Variants in LAMA4 observed in about 807,000 individuals in gnomAD.
LAMA4 encodes laminin subunit alpha 4, also known as laminin subunit alpha-4.
Under a neutral mutation model 207.1 loss-of-function variants are expected in LAMA4, and 127 were observed. The observed-to-expected ratio is 0.61, with a 90% CI of 0.53 to 0.71. The LOEUF (loss-of-function observed/expected upper bound fraction) is 0.71, where lower values mean the gene tolerates loss of function less well. Among genes scored for constraint, LAMA4 ranks in the 30% least tolerant of loss-of-function variants. The pLI is 0.00. For missense variants in LAMA4, 2,093 were observed against 2,246.5 expected, an observed-to-expected ratio of 0.93 and a Z score of 1.38; for synonymous variants, 761 against 816.0, an observed-to-expected ratio of 0.93 and a Z score of 1.15.
intron 12 of LAMA4, 132 bp from the exon 13 acceptor site, chr6:112,165,408 C>T: frequency 2.7e-6 from 2 of 730,480 alleles, no homozygotes; most frequent in Non-Finnish European, 5.1e-6. Flanking sequence ...TCCATCCTTG[C>T]TGTGTGCCTT....
At chr6:112,180,842 G>C (rs1782314410) in intron 9 of LAMA4, among the ~76,000 whole-genome samples, 1 of 152,122 alleles carries the variant, frequency 6.6e-6, no homozygotes, top group Non-Finnish European at 1.5e-5. Flanking sequence ...TGCTACTTCA[G>C]AATTTGTACA....
chr6:112,254,379 C>G (rs1787719328), intron 1 of LAMA4, 80 bp downstream of exon 1: 1 of 583,646 alleles, frequency 1.7e-6, no homozygotes, highest in African/African-American at 1.9e-5. Context: ...CCCTCTCTCT[C>G]CCTCTCCCTC....
At position 112,187,501 on chromosome 6, in the gene LAMA4, G is replaced by T; in HGVS notation, c.915C>A (p.Ala305=). The T allele has an allele frequency of 6.2e-7, 1 of 1,614,060 alleles. No individual in the cohort carries two copies. The highest frequency in any genetic ancestry group is 2.2e-5 in the East Asian group (1 of 44,850). ...KSGVLSVSSG[A]AAHRHVNEIN... ...TTTCATTCACGTGCCTATGAGCGGC[G>T]GCCCCAGAGGATACGCTCAGCACCC... Residue 305 remains alanine (A), a synonymous_variant, in exon 8 of 39, where the codon GCC becomes GCA. Coordinates refer to ENST00000230538, the MANE Select transcript of LAMA4 (RefSeq NM_001105206.3).
rs782115194 is a variant in LAMA4 at position 112,109,423 on chromosome 6, T to C, written c.*14A>G. Reference sequence around the variant, plus strand: ...CTAAAGAACTTTGTATTTGGGCAGCTGTGCTCTGTCATGTCAGGCTGCTGG... The same window carrying C: ...CTAAAGAACTTTGTATTTGGGCAGCCGTGCTCTGTCATGTCAGGCTGCTGG... On this transcript the variant is annotated 3_prime_UTR_variant, in exon 39 of 39. Transcript: ENST00000230538. 3 of 1,613,672 alleles carry C rather than the reference T, an allele frequency of 1.9e-6. No homozygotes were observed. Among genetic ancestry groups the C allele is most frequent in the Non-Finnish European group, 2.5e-6 (3 of 1,179,930 alleles).
chr6:112,136,817 T>C (rs1779383211), intron 24 of LAMA4, among the ~76,000 whole-genome samples: 2 of 152,170 alleles, frequency 1.3e-5, no homozygotes, highest in African/African-American at 4.8e-5. Flanking sequence ...TCTGAACTAA[T>C]GGATGAAGTT....
rs2115003052 is a variant in LAMA4, at chr6:112,201,664, T to A, written c.447A>T (p.Lys149Asn). The A allele has an allele frequency of 6.2e-7, 1 of 1,613,954 alleles. No individual in the cohort carries two copies. The highest frequency in any genetic ancestry group is 2.2e-5 in the East Asian group (1 of 44,882). ...LANFAESCYR[K>N]NGAVRCICNE... is the part of the protein sequence containing the mutation. ...TACAAATGCACCGAACAGCTCCATT[T>A]TTCCTATAGCAGGATTCTGCAAAAC... Residue 149 changes from lysine (K) to asparagine (N), a missense_variant, in exon 5 of 39, where the codon AAA becomes AAT. Physicochemically the swap from Lys to Asn is moderately conservative, Grantham distance 94. Transcript: ENST00000230538.
chr6:112,126,563 C>T (rs1554327728), intron 31 of LAMA4, among the ~76,000 whole-genome samples: 2 of 152,086 alleles, frequency 1.3e-5, no homozygotes, highest in African/African-American at 4.8e-5. Flanking sequence ...CATGTATGAA[C>T]AAAGGAGAAG....
At chr6:112,122,872 T>C (rs587653723) in intron 31 of LAMA4, among the ~76,000 whole-genome samples, 1 of 152,340 alleles carries the variant, frequency 6.6e-6, no homozygotes, top group East Asian at 1.9e-4. Context: ...TATTTAGTCA[T>C]TTATTCAAGC....
intron 2 of LAMA4, among the ~76,000 whole-genome samples, chr6:112,231,635 C>T (rs1271796836): frequency 2.6e-5 from 4 of 152,130 alleles, no homozygotes; most frequent in African/African-American, 9.7e-5. Flanking sequence ...ACAATGGGCC[C>T]TGGAAAAGGA....
At chr6:112,227,227 T>C (rs1785271262) in intron 2 of LAMA4, among the ~76,000 whole-genome samples, 1 of 152,024 alleles carries the variant, frequency 6.6e-6, no homozygotes, top group Non-Finnish European at 1.5e-5. Context: ...CCTGCCACCA[T>C]GCCAGGCTAA....
intron 2 of LAMA4, among the ~76,000 whole-genome samples, chr6:112,240,933 G>A (rs188557090): frequency 2.0e-5 from 3 of 151,176 alleles, no homozygotes; most frequent in Non-Finnish European, 1.5e-5. Context: ...GGATCATATT[G>A]TAGCTCAATT....
chr6:112,250,055 A>G (rs1279503177), intron 2 of LAMA4, among the ~76,000 whole-genome samples: 3 of 152,018 alleles, frequency 2.0e-5, no homozygotes, highest in Admixed American at 6.6e-5. Context: ...TACCTATTTT[A>G]TTGCTCTTTC....
At chr6:112,231,266 A>C (rs1785545050) in intron 2 of LAMA4, among the ~76,000 whole-genome samples, 1 of 152,086 alleles carries the variant, frequency 6.6e-6, no homozygotes, top group Non-Finnish European at 1.5e-5. Flanking sequence ...CTTGGAGGGG[A>C]GAATGCAGGT....
intron 2 of LAMA4, chr6:112,253,397 TG>T (rs1216994899): frequency 5.1e-5 from 14 of 276,826 alleles, no homozygotes; most frequent in South Asian, 2.4e-4. Flanking sequence ...ATCTTGTTTC[TG>T]GAATACAATG....
Position 112,154,452 on chromosome 6 carries a change from G to C in LAMA4, c.2056+399C>G, listed in dbSNP as rs140546708. On this transcript the variant is annotated intron_variant, in intron 16 of 38. Coordinates refer to ENST00000230538, the MANE Select transcript of LAMA4 (RefSeq NM_001105206.3). ...CACAGTGATGACTCGTTCCTTCATG[G>C]GAAACATTTTAAAAGGACTTCGAAA... Among the ~76,000 whole-genome samples, 275 of 152,018 alleles carry C rather than the reference G, an allele frequency of 1.8e-3. 2 individuals are homozygous for C. Among genetic ancestry groups the C allele is most frequent in the African/African-American group, 6.4e-3 (264 of 41,452 alleles).
chr6:112,131,457 A>G (rs1308049271), intron 28 of LAMA4, among the ~76,000 whole-genome samples: 1 of 152,168 alleles, frequency 6.6e-6, no homozygotes, highest in Admixed American at 6.6e-5. Context: ...ATGTAGCTAG[A>G]TGACTAGGCA....
chr6:112,136,004 G>T, intron 25 of LAMA4, 119 bp downstream of exon 25: 1 of 880,854 alleles, frequency 1.1e-6, no homozygotes, highest in Non-Finnish European at 1.9e-6. Context: ...TTGCTCTTTA[G>T]ATATGAAAGT....
At chr6:112,148,969 T>C (rs996459589) in intron 17 of LAMA4, among the ~76,000 whole-genome samples, 1 of 149,168 alleles carries the variant, frequency 6.7e-6, no homozygotes, top group Non-Finnish European at 1.5e-5. Context: ...AATTTGAAGT[T>C]GTGCCCTAAT....
intron 5 of LAMA4, among the ~76,000 whole-genome samples, chr6:112,196,924 T>A (rs11153345): frequency 0.19 from 28,347 of 152,232 alleles, 3,376 homozygotes; most frequent in Middle Eastern, 0.3. Context: ...AGGGATATGA[T>A]GCTGTGTCTG....
Sources: allele counts gnomAD v4.1 joint callset (sites outside exome capture counted in the v4.1 genomes callset), GRCh38; gene constraint gnomAD v4.1.1; transcripts MANE v1.5; gene names NCBI Gene and HGNC (gene_info 2026-07-23, HGNC 2026-07-21).